QKI: variants seen among roughly 807,000 people sequenced by gnomAD.
QKI encodes QKI, KH domain containing RNA binding, also known as KH domain-containing RNA-binding protein QKI.
A neutral mutation model predicts 39.0 loss-of-function variants in QKI; 10 were observed. The ratio of observed to expected loss-of-function variants is 0.26; its 90% CI spans 0.16 to 0.43. The LOEUF (loss-of-function observed/expected upper bound fraction) is 0.43. Among genes scored for constraint, QKI ranks in the 20% least tolerant of loss-of-function variants. The pLI, the probability that QKI is intolerant of heterozygous loss-of-function variation, is 1.00. For missense variants in QKI, 218 were observed against 428.0 expected, an observed-to-expected ratio of 0.51 and a Z score of 4.33; for synonymous variants, 204 against 155.4, an observed-to-expected ratio of 1.31 and a Z score of -2.33.
chr6:163,502,104 C>A (rs1428292842), intron 3 of QKI, among the ~76,000 whole-genome samples: 5 of 152,092 alleles, frequency 3.3e-5, no homozygotes, highest in Non-Finnish European at 5.9e-5. Flanking sequence ...GGGTGGATCG[C>A]TTGAGCTCAG....
chr6:163,483,342 C>G (rs1241430358), intron 3 of QKI, among the ~76,000 whole-genome samples: 2 of 152,020 alleles, frequency 1.3e-5, no homozygotes, highest in Admixed American at 1.3e-4. Context: ...GTGACTGTGA[C>G]GATTGCTTAA....
chr6:163,516,412 A>G (rs1206931400), intron 3 of QKI, among the ~76,000 whole-genome samples: 1 of 152,216 alleles, frequency 6.6e-6, no homozygotes, highest in East Asian at 1.9e-4. Context: ...CTCCTGCCTC[A>G]GCCTCCCAAA....
At chr6:163,453,870 AATTG>A (rs1268937923) in intron 1 of QKI, among the ~76,000 whole-genome samples, 2 of 152,112 alleles carry the variant, frequency 1.3e-5, no homozygotes, top group South Asian at 2.1e-4. Flanking sequence ...TGCCTTTTTT[AATTG>A]ATTAAGATTT....
intron 3 of QKI, among the ~76,000 whole-genome samples, chr6:163,488,680 C>T (rs536733975): frequency 6.6e-6 from 1 of 152,124 alleles, no homozygotes. Context: ...CCACTAGATA[C>T]AAGTTACCAT....
At chr6:163,416,347 G>A (rs1445016791) in intron 1 of QKI, 3 of 160,744 alleles carry the variant, frequency 1.9e-5, no homozygotes, top group African/African-American at 4.8e-5. Context: ...AGTAGCTGTG[G>A]GTTTCTGTGG....
At chr6:163,458,360 C>T (rs752277815) in intron 2 of QKI, among the ~76,000 whole-genome samples, 21 of 152,092 alleles carry the variant, frequency 1.4e-4, no homozygotes, top group Non-Finnish European at 2.6e-4. Flanking sequence ...TGGAAAACAT[C>T]TTTATGCTAT....
At chr6:163,561,323 C>T (rs1387662770) in intron 4 of QKI, among the ~76,000 whole-genome samples, 1 of 152,120 alleles carries the variant, frequency 6.6e-6, no homozygotes, top group Non-Finnish European at 1.5e-5. Context: ...ATGATAGTTG[C>T]TGGCTGGGTG....
intron 1 of QKI, among the ~76,000 whole-genome samples, chr6:163,450,020 T>C (rs754764116): frequency 9.2e-5 from 14 of 151,914 alleles, no homozygotes; most frequent in Non-Finnish European, 1.5e-4. Context: ...GTATAACATA[T>C]ATATACACAC....
At chr6:163,425,408 T>C (rs1788331325) in intron 1 of QKI, among the ~76,000 whole-genome samples, 1 of 152,264 alleles carries the variant, frequency 6.6e-6, no homozygotes, top group African/African-American at 2.4e-5. Flanking sequence ...ATAGTCTGAA[T>C]TTTATTCTGA....
chr6:163,499,948 C>T (rs887393548), intron 3 of QKI, among the ~76,000 whole-genome samples: 4 of 151,972 alleles, frequency 2.6e-5, no homozygotes, highest in South Asian at 4.2e-4. Flanking sequence ...GGGTGGAAGG[C>T]TTTTAACTAG....
chr6:163,550,618 G>C (rs1782166858), intron 4 of QKI, among the ~76,000 whole-genome samples: 1 of 151,856 alleles, frequency 6.6e-6, no homozygotes, highest in Admixed American at 6.6e-5. Context: ...TTAAATATAC[G>C]TACGAAATAT....
intron 4 of QKI, among the ~76,000 whole-genome samples, chr6:163,559,192 C>CT (rs1284255477): frequency 1.3e-5 from 2 of 151,818 alleles, no homozygotes; most frequent in East Asian, 3.8e-4. Flanking sequence ...CTGCAGGAAA[C>CT]TCGTCTTTCG....
At chr6:163,448,528 G>C (rs572163736) in intron 1 of QKI, among the ~76,000 whole-genome samples, 1 of 151,714 alleles carries the variant, frequency 6.6e-6, no homozygotes, top group Admixed American at 6.6e-5. Context: ...AGGAGTTCGA[G>C]ACCAGCCTGG....
intron 2 of QKI, among the ~76,000 whole-genome samples, chr6:163,458,804 T>G (rs929299309): frequency 1.3e-5 from 2 of 152,188 alleles, no homozygotes; most frequent in Non-Finnish European, 2.9e-5. Context: ...TATTTATTAA[T>G]AAAGCAGACT....
chr6:163,502,949 AT>A (rs989382175), intron 3 of QKI, among the ~76,000 whole-genome samples: 3 of 152,136 alleles, frequency 2.0e-5, no homozygotes, highest in Admixed American at 2.0e-4. Context: ...GGCTGAACTA[AT>A]TTACATTCCC....
intron 1 of QKI, among the ~76,000 whole-genome samples, chr6:163,429,527 CTT>C (rs1235911496): frequency 2.0e-5 from 3 of 152,158 alleles, no homozygotes; most frequent in Non-Finnish European, 4.4e-5. Context: ...GGACTTGCCA[CTT>C]TGCTTTCAGG....
chr6:163,569,405 A>G, intron 7 of QKI: 1 of 1,266,868 alleles, frequency 7.9e-7, no homozygotes, highest in Non-Finnish European at 1.0e-6. Flanking sequence ...CTTTGCACTG[A>G]ATATCTTTTC....
At chr6:163,538,024 C>T (rs1234573439) in intron 4 of QKI, among the ~76,000 whole-genome samples, 1 of 89,472 alleles carries the variant, frequency 1.1e-5, no homozygotes, top group Admixed American at 1.4e-4. Flanking sequence ...AGCACACAGT[C>T]ATATGTACAC....
intron 3 of QKI, among the ~76,000 whole-genome samples, chr6:163,504,207 A>G (rs766129871): frequency 6.6e-6 from 1 of 151,828 alleles, no homozygotes; most frequent in Non-Finnish European, 1.5e-5. Flanking sequence ...ATTCTGTTCC[A>G]TTGGTCTTTA....
Sources: allele counts gnomAD v4.1 joint callset (sites outside exome capture counted in the v4.1 genomes callset), GRCh38; gene constraint gnomAD v4.1.1; transcripts MANE v1.5; gene names NCBI Gene and HGNC (gene_info 2026-07-23, HGNC 2026-07-21).